Variants in ZNF407 observed in about 807,000 individuals in gnomAD.
The protein encoded by ZNF407 is zinc finger protein 407.
In ZNF407, 17 loss-of-function variants were observed where a neutral mutation model predicts 131.2. The ratio of observed to expected loss-of-function variants is 0.13; its 90% confidence interval spans 0.09 to 0.19. The LOEUF (loss-of-function observed/expected upper bound fraction) is 0.19. ZNF407 is among the 10% of genes least tolerant of loss of function. The pLI, the probability that ZNF407 is intolerant of heterozygous loss-of-function variation, is 1.00. For synonymous variants in ZNF407, 1,156 were observed against 1,062.0 expected, an observed-to-expected ratio of 1.09 and a Z score of -1.72; for missense variants, 2,681 against 2,830.6, an observed-to-expected ratio of 0.95 and a Z score of 1.20.
At chr18:74,911,723 T>A (rs1365958447) in intron 7 of ZNF407, among the ~76,000 whole-genome samples, 3 of 152,222 alleles carry the variant, frequency 2.0e-5, no homozygotes, top group Non-Finnish European at 2.9e-5. Flanking sequence ...AAGTCATTTC[T>A]GAAGCCATCC....
intron 4 of ZNF407, among the ~76,000 whole-genome samples, chr18:74,874,903 C>T (rs1254768085): frequency 6.6e-6 from 1 of 152,096 alleles, no homozygotes; most frequent in Admixed American, 6.5e-5. Flanking sequence ...TTTCTGCTGT[C>T]CAGCCAGAAC....
chr18:74,990,444 C>G (rs1264506181), intron 8 of ZNF407, among the ~76,000 whole-genome samples: 1 of 152,156 alleles, frequency 6.6e-6, no homozygotes, highest in African/African-American at 2.4e-5. Flanking sequence ...CACTTTGACA[C>G]TCTTCTGATT....
chr18:74,690,350 T>G (rs2144796816), intron 3 of ZNF407, among the ~76,000 whole-genome samples: 1 of 152,200 alleles, frequency 6.6e-6, no homozygotes, highest in East Asian at 1.9e-4. Flanking sequence ...AGGGAAATAA[T>G]ACTAACACAA....
Position 74,635,333 on chromosome 18 carries a change from T to C in ZNF407, c.4314T>C (p.Pro1438=), listed in dbSNP as rs777979164. ...GLNVHIAMKH[P]TKEKHFHCLL... ...ATGTTCACATAGCCATGAAGCATCC[T>C]ACAAAAGAGAAGCACTTCCATTGTT... Residue 1438 remains proline (P), a synonymous_variant, in exon 2 of 9, where the codon CCT becomes CCC. Coordinates refer to ENST00000299687, the MANE Select transcript of ZNF407 (RefSeq NM_017757.3). The surrounding 1 kb of genome is among the most constrained non-coding windows in gnomAD (Gnocchi z 4.7). 1 of 1,613,998 alleles carries C rather than the reference T, an allele frequency of 6.2e-7. No homozygotes were observed. The highest frequency in any genetic ancestry group is 8.5e-7 in the Non-Finnish European group (1 of 1,179,898).
At chr18:74,973,428 GT>G (rs1972495096) in intron 8 of ZNF407, among the ~76,000 whole-genome samples, 1 of 152,166 alleles carries the variant, frequency 6.6e-6, no homozygotes, top group Non-Finnish European at 1.5e-5. Context: ...GTTTTCTAGT[GT>G]TTATTTGATT....
At chr18:75,012,361 T>TAGCA in intron 8 of ZNF407, among the ~76,000 whole-genome samples, 1 of 109,942 alleles carries the variant, frequency 9.1e-6, no homozygotes, top group African/African-American at 3.4e-5. Context: ...ACATAGTGTA[T>TAGCA]GTACACATAG....
At chr18:74,974,640 TA>T (rs986017926) in intron 8 of ZNF407, among the ~76,000 whole-genome samples, 1 of 152,240 alleles carries the variant, frequency 6.6e-6, no homozygotes, top group Non-Finnish European at 1.5e-5. Context: ...TGAAGTAGAT[TA>T]TTTTTTTAAA....
rs1983224446 is a variant in ZNF407 at position 74,615,028 on chromosome 18, G to A, written c.-53-15939G>A. On this transcript the variant is annotated intron_variant, in intron 1 of 8. Transcript: ENST00000299687. ...GTGATAGATGCCACTTAAGCATCAAGGCTTTTAAGGGGCCATGAGCCAGCT... is the reference window on the plus strand; with the variant it reads ...GTGATAGATGCCACTTAAGCATCAAAGCTTTTAAGGGGCCATGAGCCAGCT... Among the ~76,000 whole-genome samples the A allele has an allele frequency of 4.6e-5, 7 of 152,180 alleles. No homozygotes were observed. The South Asian group carries it at 1.0e-3, about 23-fold the overall frequency.
intron 8 of ZNF407, among the ~76,000 whole-genome samples, chr18:74,951,717 CTT>C (rs1303953765): frequency 6.6e-6 from 1 of 152,028 alleles, no homozygotes; most frequent in Admixed American, 6.5e-5. Flanking sequence ...AAATCATTAA[CTT>C]TGATTCATTT....
intron 4 of ZNF407, among the ~76,000 whole-genome samples, chr18:74,853,569 A>G (rs1970819014): frequency 6.6e-6 from 1 of 152,214 alleles, no homozygotes; most frequent in South Asian, 2.1e-4. Flanking sequence ...AAAGAATTTA[A>G]TATGCCTGTG....
intron 8 of ZNF407, among the ~76,000 whole-genome samples, chr18:74,945,270 T>C (rs1259019731): frequency 6.6e-6 from 1 of 152,154 alleles, no homozygotes; most frequent in African/African-American, 2.4e-5. Context: ...TGAAAAGTCT[T>C]ATGCTAAAAA....
At chr18:74,723,345 A>G (rs1968083586) in intron 3 of ZNF407, among the ~76,000 whole-genome samples, 1 of 152,136 alleles carries the variant, frequency 6.6e-6, no homozygotes, top group African/African-American at 2.4e-5. Context: ...CTTGCTATGT[A>G]GAATACATTT....
At chr18:74,641,495 A>G (rs1259749694) in intron 3 of ZNF407, among the ~76,000 whole-genome samples, 2 of 152,116 alleles carry the variant, frequency 1.3e-5, no homozygotes, top group Non-Finnish European at 2.9e-5. Flanking sequence ...GTACTGCTTC[A>G]ATTTTTATCA....
rs542764827 is a variant in ZNF407 at position 74,753,155 on chromosome 18, G to A, written c.4803-28273G>A. ...ATTCTCTTTGAAGCAATTGTGAATG[G>A]GAGTTCACTCATGATTTGGCTCTCT... is the stretch of plus-strand genomic sequence containing the variant. On this transcript the variant is annotated intron_variant, in intron 3 of 8. Coordinates refer to ENST00000299687, the MANE Select transcript of ZNF407 (RefSeq NM_017757.3). Among the ~76,000 whole-genome samples, 14 of 152,212 alleles carry A rather than the reference G, an allele frequency of 9.2e-5. No homozygotes were observed. The South Asian group carries it at 2.5e-3, about 27-fold the overall frequency.
intron 3 of ZNF407, among the ~76,000 whole-genome samples, chr18:74,642,630 T>C (rs1467698460): frequency 6.6e-6 from 1 of 152,158 alleles, no homozygotes; most frequent in Non-Finnish European, 1.5e-5. Flanking sequence ...GAATACACAA[T>C]TGATCGGCAT....
chr18:74,909,647 G>A (rs777092911), intron 7 of ZNF407, among the ~76,000 whole-genome samples: 2 of 151,942 alleles, frequency 1.3e-5, no homozygotes, highest in South Asian at 2.1e-4. Context: ...TCCTGAACAC[G>A]GATCTCCTCA....
chr18:74,763,915 G>A (rs928480726), intron 3 of ZNF407, among the ~76,000 whole-genome samples: 3 of 150,874 alleles, frequency 2.0e-5, no homozygotes, highest in African/African-American at 4.9e-5. Flanking sequence ...GGGTTTCACC[G>A]TGTTAGCCAG....
chr18:74,923,741 G>A (rs950135399), intron 8 of ZNF407, among the ~76,000 whole-genome samples: 3 of 152,050 alleles, frequency 2.0e-5, no homozygotes, highest in Non-Finnish European at 4.4e-5. Flanking sequence ...ACATAATTAT[G>A]AAATATTTCT....
intron 4 of ZNF407, among the ~76,000 whole-genome samples, chr18:74,792,465 T>G (rs1319053446): frequency 6.7e-6 from 1 of 150,050 alleles, no homozygotes; most frequent in African/African-American, 2.5e-5. Flanking sequence ...CCATATATTT[T>G]TGGCAACTAG....
Sources: gnomAD v4.1 joint callset for allele counts (sites outside exome capture counted in the v4.1 genomes callset) on GRCh38, gnomAD v4.1.1 for gene constraint, Gnocchi (gnomAD v3.1) non-coding constraint, MANE v1.5 for transcripts, NCBI Gene and HGNC (gene_info 2026-07-23, HGNC 2026-07-21) for gene names.